Variants in TAFA1 observed in about 807,000 individuals in gnomAD.
The protein encoded by TAFA1 is TAFA chemokine like family member 1.
In TAFA1, 4 loss-of-function variants were observed where a neutral mutation model predicts 18.5. The ratio of observed to expected loss-of-function variants is 0.22; its 90% confidence interval spans 0.11 to 0.49. The LOEUF is 0.49. Among genes scored for constraint, TAFA1 ranks in the 20% least tolerant of loss-of-function variants. TAFA1 has a pLI of 0.98. For missense variants in TAFA1, 147 were observed against 169.0 expected, an observed-to-expected ratio of 0.87 and a Z score of 0.72; for synonymous variants, 56 against 55.2, an observed-to-expected ratio of 1.01 and a Z score of -0.06.
At chr3:68,193,326 A>G (rs2066371936) in intron 2 of TAFA1, among the ~76,000 whole-genome samples, 1 of 151,852 alleles carries the variant, frequency 6.6e-6, no homozygotes, top group African/African-American at 2.4e-5. Flanking sequence ...TGTAAGTTTA[A>G]GAGATAATAA....
At chr3:68,193,817 C>T (rs2066377875) in intron 2 of TAFA1, among the ~76,000 whole-genome samples, 1 of 151,626 alleles carries the variant, frequency 6.6e-6, no homozygotes. Flanking sequence ...GTTTCTGCCG[C>T]CCTAATACTG....
intron 2 of TAFA1, among the ~76,000 whole-genome samples, chr3:68,276,264 C>A (rs1284460468): frequency 1.3e-5 from 2 of 152,072 alleles, no homozygotes; most frequent in Non-Finnish European, 2.9e-5. Flanking sequence ...TTCTCAACGT[C>A]AGTGCTATTA....
chr3:68,218,833 A>C (rs2066694166), intron 2 of TAFA1, among the ~76,000 whole-genome samples: 1 of 152,158 alleles, frequency 6.6e-6, no homozygotes, highest in South Asian at 2.1e-4. Flanking sequence ...CTGAATTTCC[A>C]TCAAGCTCCA....
At chr3:68,097,149 C>G (rs2065095750) in intron 2 of TAFA1, among the ~76,000 whole-genome samples, 1 of 152,098 alleles carries the variant, frequency 6.6e-6, no homozygotes, top group African/African-American at 2.4e-5. Flanking sequence ...ATGAATATAT[C>G]ATAAGAGAAA....
intron 2 of TAFA1, among the ~76,000 whole-genome samples, chr3:68,256,146 T>C (rs2067294001): frequency 6.6e-6 from 1 of 152,056 alleles, no homozygotes; most frequent in South Asian, 2.1e-4. Flanking sequence ...TAACATTCCT[T>C]TTAGGTGTGA....
chr3:68,110,332 A>G (rs1390844200), intron 2 of TAFA1, among the ~76,000 whole-genome samples: 1 of 152,206 alleles, frequency 6.6e-6, no homozygotes, highest in African/African-American at 2.4e-5. Context: ...GCTGCATAGT[A>G]TTCCATGATG....
At chr3:68,100,455 C>A (rs898209025) in intron 2 of TAFA1, among the ~76,000 whole-genome samples, 1 of 152,112 alleles carries the variant, frequency 6.6e-6, no homozygotes, top group African/African-American at 2.4e-5. Context: ...GCCTGGGCAA[C>A]AGAGGGTGTT....
intron 2 of TAFA1, among the ~76,000 whole-genome samples, chr3:68,383,811 G>T (rs1018080571): frequency 6.6e-6 from 1 of 151,890 alleles, no homozygotes; most frequent in African/African-American, 2.4e-5. Flanking sequence ...CTGGTCCTGG[G>T]CTGTTTTTGG....
chr3:68,234,241 C>G (rs1001827083), intron 2 of TAFA1, among the ~76,000 whole-genome samples: 4 of 152,098 alleles, frequency 2.6e-5, no homozygotes, highest in Non-Finnish European at 4.4e-5. Context: ...TGGAATTGGC[C>G]TCCTACAGAA....
At chr3:68,342,874 C>T (rs1471808160) in intron 2 of TAFA1, among the ~76,000 whole-genome samples, 1 of 152,170 alleles carries the variant, frequency 6.6e-6, no homozygotes, top group East Asian at 1.9e-4. Flanking sequence ...AATTTAATAA[C>T]TATAATTTTA....
At chr3:68,539,525 C>G (rs1056845339) in intron 4 of TAFA1, among the ~76,000 whole-genome samples, 5 of 151,916 alleles carry the variant, frequency 3.3e-5, no homozygotes, top group Non-Finnish European at 7.4e-5. Flanking sequence ...CTAAAGGGGA[C>G]AGGGGTGGGA....
chr3:68,372,206 G>T (rs781290855), intron 2 of TAFA1, among the ~76,000 whole-genome samples: 4 of 152,162 alleles, frequency 2.6e-5, no homozygotes, highest in African/African-American at 4.8e-5. Context: ...AGTAGTTACT[G>T]GTTGGGTTTT....
At chr3:68,141,445 CA>C (rs1340899279) in intron 2 of TAFA1, among the ~76,000 whole-genome samples, 1 of 152,144 alleles carries the variant, frequency 6.6e-6, no homozygotes, top group African/African-American at 2.4e-5. Context: ...AGGTCGTCAG[CA>C]AGTGCAGTGG....
At chr3:68,201,264 T>A (rs2066466944) in intron 2 of TAFA1, among the ~76,000 whole-genome samples, 1 of 151,738 alleles carries the variant, frequency 6.6e-6, no homozygotes, top group Admixed American at 6.6e-5. Flanking sequence ...TTTATATTTT[T>A]AAAAATGTGT....
chr3:68,073,457 T>A (rs566388576), intron 2 of TAFA1, among the ~76,000 whole-genome samples: 71 of 152,354 alleles, frequency 4.7e-4, no homozygotes, highest in Non-Finnish European at 7.2e-4. Context: ...ACCTCCTAAC[T>A]CTTTCTTTTT....
chr3:68,539,258 C>G (rs1036115067), intron 4 of TAFA1, among the ~76,000 whole-genome samples: 1 of 152,180 alleles, frequency 6.6e-6, no homozygotes, highest in Non-Finnish European at 1.5e-5. Context: ...CGTTTAAGTA[C>G]ACCTACAGAA....
intron 2 of TAFA1, among the ~76,000 whole-genome samples, chr3:68,188,444 A>G (rs947498948): frequency 6.7e-6 from 1 of 150,284 alleles, no homozygotes; most frequent in African/African-American, 2.4e-5. Context: ...TGCTGTACAG[A>G]CATTTGAAAG....
chr3:68,266,823 A>G (rs1057205562), intron 2 of TAFA1, among the ~76,000 whole-genome samples: 1 of 152,060 alleles, frequency 6.6e-6, no homozygotes, highest in Admixed American at 6.6e-5. Flanking sequence ...ATGCTGCCCA[A>G]CTCTCAGCGA....
chr3:68,137,643 C>G (rs1351373657), intron 2 of TAFA1, among the ~76,000 whole-genome samples: 1 of 152,140 alleles, frequency 6.6e-6, no homozygotes. Context: ...AGGAAAGATT[C>G]CTATCACACA....
Sources: gnomAD v4.1 joint callset for allele counts (sites outside exome capture counted in the v4.1 genomes callset) on GRCh38, gnomAD v4.1.1 for gene constraint, MANE v1.5 for transcripts, NCBI Gene and HGNC (gene_info 2026-07-23, HGNC 2026-07-21) for gene names.